Variants in ATF7 observed in about 807,000 individuals in gnomAD.
The protein encoded by ATF7 is cyclic AMP-dependent transcription factor ATF-7.
A neutral mutation model predicts 50.4 loss-of-function variants in ATF7; 10 were observed. The observed-to-expected ratio is 0.20, with a 90% CI of 0.12 to 0.34. ATF7 has a LOEUF of 0.34. Among genes scored for constraint, ATF7 ranks in the 10% least tolerant of loss-of-function variants. The pLI is 1.00. For synonymous variants in ATF7, 201 were observed against 226.4 expected (o/e 0.89, Z 1.01); for missense variants, 465 against 613.9 (o/e 0.76, Z 2.56).
At position 53,599,471 on chromosome 12, in the gene ATF7, C is replaced by CTATATATA. The variant is rs113534987; in HGVS notation, c.48+1474_48+1481dup. Among the ~76,000 whole-genome samples the CTATATATA allele has an allele frequency of 5.4e-5, 8 of 147,582 alleles. No homozygotes were observed. The East Asian group carries it at 1.6e-3, about 30-fold the overall frequency. On this transcript the variant is annotated intron_variant, in intron 2 of 11. Transcript: ENST00000420353. ...ATATAAATGGAGATATATATATATT[C>CTATATATA]TATATATATATATGAAATCACATGG...
At chr12:53,622,244 G>A (rs891570229) in intron 1 of ATF7, among the ~76,000 whole-genome samples, 7 of 152,042 alleles carry the variant, frequency 4.6e-5, no homozygotes, top group East Asian at 1.9e-4. Context: ...GGAGGTTGTA[G>A]TGAGCTGAGA....
chr12:53,573,873 A>G (rs1941910590), intron 2 of ATF7, among the ~76,000 whole-genome samples: 2 of 152,210 alleles, frequency 1.3e-5, no homozygotes, highest in Non-Finnish European at 2.9e-5. Context: ...AAAAGAAAAC[A>G]AAACTGAGAA....
rs1168861842 is a variant in ATF7, at chr12:53,517,332, C to T, written c.1257G>A (p.Glu419=). 1.2e-6 allele frequency: 2 copies of T among 1,613,752 alleles called. No individual in the cohort carries two copies. Among genetic ancestry groups the T allele is most frequent in the Non-Finnish European group, 1.7e-6 (2 of 1,179,830 alleles). ...TCACAGGGGCTGGAGAACCCGTTGGCTCTGAGCTTTCCTTGGGGCTTTCTG... is the reference window on the plus strand; with the variant it reads ...TCACAGGGGCTGGAGAACCCGTTGGTTCTGAGCTTTCCTTGGGGCTTTCTG... ...GYLESPKESS[E]PTGSPAPVIQ... is the part of the protein sequence containing the mutation. Residue 419 remains glutamate, a synonymous_variant, in exon 12 of 12, where the codon GAG becomes GAA. Coordinates refer to ENST00000420353, the MANE Select transcript of ATF7 (RefSeq NM_006856.3).
At chr12:53,587,843 A>ATTTTTTTT (rs201692852) in intron 2 of ATF7, among the ~76,000 whole-genome samples, 4 of 61,564 alleles carry the variant, frequency 6.5e-5, no homozygotes, top group South Asian at 7.4e-4. Flanking sequence ...ATATATATAT[A>ATTTTTTTT]TTTTTTTTTT....
At chr12:53,533,370 GC>G in intron 6 of ATF7, 111 bp from the exon 7 acceptor site, 1 of 830,508 alleles carries the variant, frequency 1.2e-6, no homozygotes, top group East Asian at 2.7e-5. Context: ...AAGGTATAGG[GC>G]AGCATGGTAA....
At chr12:53,546,906 C>T (rs1336699695) in intron 3 of ATF7, among the ~76,000 whole-genome samples, 4 of 151,548 alleles carry the variant, frequency 2.6e-5, no homozygotes, top group South Asian at 2.1e-4. Flanking sequence ...CACAGGTGTG[C>T]GCCATCATGC....
chr12:53,511,406 C>T (rs765493872), downstream of ATF7, among the ~76,000 whole-genome samples: 1 of 152,134 alleles, frequency 6.6e-6, no homozygotes, highest in Non-Finnish European at 1.5e-5. Context: ...CCGCCACCAA[C>T]ACCTGGCTAA....
At chr12:53,577,430 C>T (rs934146767) in intron 2 of ATF7, among the ~76,000 whole-genome samples, 1 of 151,964 alleles carries the variant, frequency 6.6e-6, no homozygotes. Flanking sequence ...GAAAGAAACA[C>T]ACACGGCCGG....
intron 2 of ATF7, chr12:53,600,633 G>A (rs80339485): frequency 0.025 from 5,000 of 201,338 alleles, 275 homozygotes; most frequent in African/African-American, 0.11. Flanking sequence ...CGCCCGGCAT[G>A]AAGAGAAAAC....
At chr12:53,520,300 G>T (rs1938035285) in intron 11 of ATF7, among the ~76,000 whole-genome samples, 2 of 152,112 alleles carry the variant, frequency 1.3e-5, no homozygotes, top group African/African-American at 4.8e-5. Flanking sequence ...ACTATGGCCA[G>T]GTGTGGTGAC....
chr12:53,528,398 C>T (rs1022183732), intron 9 of ATF7, among the ~76,000 whole-genome samples: 1 of 151,964 alleles, frequency 6.6e-6, no homozygotes, highest in Non-Finnish European at 1.5e-5. Flanking sequence ...GAGGCCAAGG[C>T]GGGTGGATTG....
At chr12:53,605,845 A>G (rs187508069) in intron 1 of ATF7, among the ~76,000 whole-genome samples, 18 of 152,316 alleles carry the variant, frequency 1.2e-4, no homozygotes, top group Non-Finnish European at 2.5e-4. Context: ...CACAGTAGAT[A>G]TTCAATAAAT....
At chr12:53,550,717 T>C (rs1378477158) in intron 3 of ATF7, among the ~76,000 whole-genome samples, 1 of 152,184 alleles carries the variant, frequency 6.6e-6, no homozygotes, top group Non-Finnish European at 1.5e-5. Flanking sequence ...AAGTAAGTGT[T>C]CACATAAGGG....
intron 2 of ATF7, among the ~76,000 whole-genome samples, chr12:53,591,730 C>T (rs1387299556): frequency 6.6e-6 from 1 of 152,154 alleles, no homozygotes; most frequent in Non-Finnish European, 1.5e-5. Context: ...GTTCCTTTTG[C>T]CACAGGATGA....
chr12:53,543,109 T>C, intron 4 of ATF7: 1 of 1,414,046 alleles, frequency 7.1e-7, no homozygotes, highest in Non-Finnish European at 9.2e-7. Flanking sequence ...ACAAGAGGAC[T>C]AATTTTCGGT....
chr12:53,565,323 CTTA>C (rs1200006892), intron 2 of ATF7, among the ~76,000 whole-genome samples: 4 of 150,722 alleles, frequency 2.7e-5, no homozygotes, highest in Non-Finnish European at 5.9e-5. Context: ...TCAAATGTTA[CTTA>C]TTATTTGATG....
chr12:53,607,466 C>T (rs898393272), intron 1 of ATF7, among the ~76,000 whole-genome samples: 4 of 152,122 alleles, frequency 2.6e-5, no homozygotes, highest in Non-Finnish European at 5.9e-5. Context: ...TAAAACCAGA[C>T]ATGTGGACCA....
At chr12:53,595,128 T>G (rs572445509) in intron 2 of ATF7, among the ~76,000 whole-genome samples, 1 of 152,236 alleles carries the variant, frequency 6.6e-6, no homozygotes, top group Admixed American at 6.5e-5. Context: ...AGATGAATTA[T>G]TGAATGAAAT....
At chr12:53,611,623 C>A (rs1039193735) in intron 1 of ATF7, among the ~76,000 whole-genome samples, 2 of 152,146 alleles carry the variant, frequency 1.3e-5, no homozygotes, top group African/African-American at 4.8e-5. Context: ...CAGAGTCTCA[C>A]TCTGTTGCCC....
Sources: allele counts gnomAD v4.1 joint callset (sites outside exome capture counted in the v4.1 genomes callset), GRCh38; gene constraint gnomAD v4.1.1; transcripts MANE v1.5; gene names NCBI Gene and HGNC (gene_info 2026-07-23, HGNC 2026-07-21).